Variants in EXOC4 observed in about 807,000 individuals in gnomAD.
EXOC4 encodes exocyst complex component 4.
In EXOC4, 71 loss-of-function variants were observed where a neutral mutation model predicts 107.2. The ratio of observed to expected loss-of-function variants is 0.66; its 90% CI spans 0.55 to 0.81. EXOC4 has a LOEUF of 0.81. EXOC4 is among the 30% of genes least tolerant of loss of function. The pLI, the probability that EXOC4 is intolerant of heterozygous loss-of-function variation, is 0.00. For synonymous variants in EXOC4, 456 were observed against 441.2 expected (o/e 1.03, Z -0.42); for missense variants, 1,108 against 1,189.6 (o/e 0.93, Z 1.01).
At chr7:134,017,609 A>G (rs1220764527) in intron 17 of EXOC4, among the ~76,000 whole-genome samples, 4 of 151,966 alleles carry the variant, frequency 2.6e-5, no homozygotes, top group South Asian at 4.2e-4. Flanking sequence ...TTACATTTAC[A>G]TTAGGTCCCG....
intron 7 of EXOC4, among the ~76,000 whole-genome samples, chr7:133,407,563 A>C (rs914712531): frequency 2.0e-5 from 3 of 152,312 alleles, no homozygotes; most frequent in African/African-American, 7.2e-5. Context: ...AGCCATATTC[A>C]AATATGTAAT....
intron 14 of EXOC4, among the ~76,000 whole-genome samples, chr7:133,941,495 C>A (rs1800427139): frequency 1.3e-5 from 2 of 152,130 alleles, no homozygotes; most frequent in South Asian, 4.1e-4. Flanking sequence ...TTTTTCATCT[C>A]TTTTAGTGTT....
intron 10 of EXOC4, among the ~76,000 whole-genome samples, chr7:133,778,995 A>G (rs1796405400): frequency 6.6e-6 from 1 of 152,230 alleles, no homozygotes; most frequent in South Asian, 2.1e-4. Flanking sequence ...AGCAGTCCTC[A>G]AACATCCTTA....
chr7:134,004,246 TA>T (rs1794591790), intron 15 of EXOC4, among the ~76,000 whole-genome samples: 1 of 152,186 alleles, frequency 6.6e-6, no homozygotes, highest in African/African-American at 2.4e-5. Flanking sequence ...TGTTAATAAA[TA>T]TAAGACTAGT....
chr7:134,094,674 A>G, the EXOC4 span, among the ~76,000 whole-genome samples: 1 of 152,054 alleles, frequency 6.6e-6, no homozygotes, highest in African/African-American at 2.4e-5. Flanking sequence ...TCAAACGCCA[A>G]TCATTAAATG....
At chr7:133,464,273 T>G (rs1798664338) in intron 7 of EXOC4, among the ~76,000 whole-genome samples, 1 of 152,196 alleles carries the variant, frequency 6.6e-6, no homozygotes, top group Admixed American at 6.5e-5. Context: ...TTATTATCTT[T>G]TATTATTATT....
intron 10 of EXOC4, among the ~76,000 whole-genome samples, chr7:133,661,952 G>A (rs1399012168): frequency 1.3e-5 from 2 of 152,092 alleles, no homozygotes; most frequent in African/African-American, 4.8e-5. Context: ...CATAATAATA[G>A]CCAGCATTTT....
At chr7:133,722,548 T>C (rs1056320686) in intron 10 of EXOC4, among the ~76,000 whole-genome samples, 1 of 152,196 alleles carries the variant, frequency 6.6e-6, no homozygotes, top group Non-Finnish European at 1.5e-5. Flanking sequence ...TTTGGAAATA[T>C]TGAAACCCTG....
At chr7:134,036,299 C>T (rs2116503820) in intron 17 of EXOC4, among the ~76,000 whole-genome samples, 1 of 152,246 alleles carries the variant, frequency 6.6e-6, no homozygotes, top group South Asian at 2.1e-4. Flanking sequence ...CCAAAATCCT[C>T]AGAGCTGCCC....
chr7:133,680,941 A>T (rs1794173492), intron 10 of EXOC4, among the ~76,000 whole-genome samples: 6 of 152,202 alleles, frequency 3.9e-5, no homozygotes, highest in Admixed American at 3.9e-4. Context: ...AGGCCATTAT[A>T]AAAGAAATTT....
At chr7:133,390,684 TTCTC>T (rs1201230907) in intron 7 of EXOC4, among the ~76,000 whole-genome samples, 1 of 152,204 alleles carries the variant, frequency 6.6e-6, no homozygotes, top group African/African-American at 2.4e-5. Flanking sequence ...CTCCTGCTGT[TTCTC>T]TCTTATATCC....
intron 7 of EXOC4, among the ~76,000 whole-genome samples, chr7:133,454,425 T>C (rs1316955654): frequency 6.6e-6 from 1 of 152,172 alleles, no homozygotes; most frequent in East Asian, 1.9e-4. Flanking sequence ...GCCTCCCAAG[T>C]AGCTGGGATT....
At chr7:133,704,067 C>A (rs1585090661) in intron 10 of EXOC4, among the ~76,000 whole-genome samples, 1 of 152,124 alleles carries the variant, frequency 6.6e-6, no homozygotes, top group African/African-American at 2.4e-5. Context: ...GGCATGTGTT[C>A]ACTGTGACAC....
intron 7 of EXOC4, among the ~76,000 whole-genome samples, chr7:133,474,312 T>G (rs957237604): frequency 1.3e-5 from 2 of 151,924 alleles, no homozygotes; most frequent in Non-Finnish European, 2.9e-5. Context: ...AGTAGTAGAT[T>G]TTTTAACTTT....
At chr7:134,049,824 T>G (rs575153860) in intron 17 of EXOC4, among the ~76,000 whole-genome samples, 1 of 152,150 alleles carries the variant, frequency 6.6e-6, no homozygotes, top group Non-Finnish European at 1.5e-5. Context: ...GTAAACAAAT[T>G]TAAAAAGGAC....
intron 7 of EXOC4, among the ~76,000 whole-genome samples, chr7:133,459,417 T>C (rs1798537291): frequency 6.6e-6 from 1 of 152,186 alleles, no homozygotes; most frequent in South Asian, 2.1e-4. Context: ...CTCCTGGCTG[T>C]GGTTGTCTTT....
chr7:133,432,979 A>G (rs557918071), intron 7 of EXOC4, among the ~76,000 whole-genome samples: 36 of 152,352 alleles, frequency 2.4e-4, no homozygotes, highest in African/African-American at 6.5e-4. Flanking sequence ...TGAGACATCA[A>G]TGAAACTCCT....
chr7:133,794,107 C>CTCATATGTCTAGTTCATTTTTT (rs1796763436), intron 10 of EXOC4, among the ~76,000 whole-genome samples: 1 of 152,084 alleles, frequency 6.6e-6, no homozygotes, highest in Non-Finnish European at 1.5e-5. Context: ...TGAGCTTCTC[C>CTCATATGTCTAGTTCATTTTTT]TCATATGTCT....
chr7:133,665,857 T>G (rs928637111), intron 10 of EXOC4, among the ~76,000 whole-genome samples: 1 of 152,188 alleles, frequency 6.6e-6, no homozygotes, highest in Non-Finnish European at 1.5e-5. Context: ...TCAAGCTAGA[T>G]TCTGAAGTAA....
Sources: gnomAD v4.1 joint callset for allele counts (sites outside exome capture counted in the v4.1 genomes callset) on GRCh38, gnomAD v4.1.1 for gene constraint, MANE v1.5 for transcripts, NCBI Gene and HGNC (gene_info 2026-07-23, HGNC 2026-07-21) for gene names.